GLCCI1: variants seen among roughly 807,000 people sequenced by gnomAD.
GLCCI1 encodes the protein glucocorticoid-induced transcript 1 protein.
Under a neutral mutation model 52.2 loss-of-function variants are expected in GLCCI1, and 24 were observed. That is an observed-to-expected ratio of 0.46 (90% confidence interval 0.33 to 0.65). GLCCI1 has a LOEUF of 0.65. Among genes scored for constraint, GLCCI1 ranks in the 30% least tolerant of loss-of-function variants. The probability of loss-of-function intolerance (pLI) is 0.02; values close to 1 mark genes in which losing one functional copy is unlikely to be tolerated. For missense variants in GLCCI1, 704 were observed against 701.5 expected (o/e 1.00, Z -0.04); for synonymous variants, 310 against 276.5 (o/e 1.12, Z -1.20).
chr7:8,022,357 G>A (rs576307186), intron 2 of GLCCI1, 126 bp from the exon 3 acceptor site: 15 of 379,914 alleles, frequency 3.9e-5, no homozygotes, highest in African/African-American at 6.5e-5. Flanking sequence ...AACTCTTAGC[G>A]TTTAAAGGAT....
intron 7 of GLCCI1, among the ~76,000 whole-genome samples, chr7:8,085,228 C>T (rs138587577): frequency 3.3e-5 from 5 of 152,258 alleles, no homozygotes; most frequent in Middle Eastern, 3.4e-3. Context: ...TACAAAGACA[C>T]GTGGAAACTT....
chr7:7,993,484 T>C (rs1165162547), intron 1 of GLCCI1, among the ~76,000 whole-genome samples: 2 of 152,216 alleles, frequency 1.3e-5, no homozygotes, highest in African/African-American at 2.4e-5. Context: ...TCTCAGACTT[T>C]ATTGAGTTGA....
intron 1 of GLCCI1, among the ~76,000 whole-genome samples, chr7:7,999,951 A>G (rs919238378): frequency 6.6e-6 from 1 of 152,194 alleles, no homozygotes; most frequent in Admixed American, 6.5e-5. Flanking sequence ...AACCATTAAA[A>G]TGGTTCCTAT....
intron 1 of GLCCI1, among the ~76,000 whole-genome samples, chr7:7,970,945 A>G (rs74559921): frequency 1.6e-5 from 2 of 127,980 alleles, no homozygotes; most frequent in African/African-American, 2.9e-5. Flanking sequence ...TTTTTTTTTT[A>G]ATGGAGCTTT....
intron 2 of GLCCI1, 34 bp downstream of exon 2, chr7:8,004,093 C>T: frequency 6.3e-7 from 1 of 1,575,970 alleles, no homozygotes; most frequent in East Asian, 2.2e-5. Flanking sequence ...GCTTATTACC[C>T]TGCACTTCTT....
chr7:7,984,520 A>G (rs1780683047), intron 1 of GLCCI1, among the ~76,000 whole-genome samples: 2 of 152,218 alleles, frequency 1.3e-5, no homozygotes, highest in Admixed American at 6.5e-5. Context: ...CTTCATCGTA[A>G]TGTAAAAACT....
rs1022050297 is a variant in GLCCI1 at position 8,022,552 on chromosome 7, G to A, written c.679G>A (p.Ala227Thr). ...TCAGCGTTCTGCGTCATGGGGGAGTGCTGATCAACTAAAAGAGGTAAGTTA... is the reference window on the plus strand; with the variant it reads ...TCAGCGTTCTGCGTCATGGGGGAGTACTGATCAACTAAAAGAGGTAAGTTA... Reference protein sequence around the residue: ...SHQRSASWGSADQLKEQIAKL... With the variant: ...SHQRSASWGSTDQLKEQIAKL... The change falls in exon 3 of 8, where the codon GCT (alanine) becomes ACT (threonine). Residue 227 changes from alanine (A) to threonine (T), a missense_variant. Ala to Thr is a moderately conservative substitution (Grantham distance 58). Transcript: ENST00000223145. 1 of 1,572,112 alleles carries A rather than the reference G, an allele frequency of 6.4e-7. No individual in the cohort carries two copies. The highest frequency in any genetic ancestry group is 8.6e-7 in the Non-Finnish European group (1 of 1,157,426).
chr7:8,026,892 C>T (rs1414699001), intron 3 of GLCCI1, among the ~76,000 whole-genome samples: 1 of 152,212 alleles, frequency 6.6e-6, no homozygotes, highest in Non-Finnish European at 1.5e-5. Flanking sequence ...CAAGAGAATT[C>T]TCCCAGATCT....
intron 4 of GLCCI1, among the ~76,000 whole-genome samples, chr7:8,056,019 C>A (rs935541958): frequency 6.8e-6 from 1 of 147,764 alleles, no homozygotes; most frequent in Non-Finnish European, 1.5e-5. Context: ...AAAAACCAGC[C>A]AGGGGCAGTG....
intron 5 of GLCCI1, among the ~76,000 whole-genome samples, chr7:8,064,842 G>A (rs1265117457): frequency 1.3e-5 from 2 of 152,046 alleles, no homozygotes; most frequent in Admixed American, 1.3e-4. Context: ...CGAGCAGCTG[G>A]CACTACAAGC....
intron 2 of GLCCI1, among the ~76,000 whole-genome samples, chr7:8,018,056 ATAAT>A (rs1158278014): frequency 6.6e-6 from 1 of 152,164 alleles, no homozygotes; most frequent in African/African-American, 2.4e-5. Context: ...GTCTGTGGTC[ATAAT>A]TAATTCTTAA....
At chr7:8,059,610 C>G (rs1782471295) in intron 4 of GLCCI1, among the ~76,000 whole-genome samples, 1 of 152,164 alleles carries the variant, frequency 6.6e-6, no homozygotes, top group Admixed American at 6.5e-5. Flanking sequence ...TGCCACATTA[C>G]TTAATAATCC....
At chr7:7,990,437 G>C (rs544950820) in intron 1 of GLCCI1, among the ~76,000 whole-genome samples, 1 of 152,008 alleles carries the variant, frequency 6.6e-6, no homozygotes, top group African/African-American at 2.4e-5. Context: ...AGAAAATAAA[G>C]CATAATGCTA....
intron 6 of GLCCI1, among the ~76,000 whole-genome samples, chr7:8,083,416 T>C (rs1335705108): frequency 1.3e-5 from 2 of 152,172 alleles, no homozygotes; most frequent in South Asian, 2.1e-4. Context: ...ACCAGTCTTG[T>C]CTAGCCTAGC....
intron 1 of GLCCI1, among the ~76,000 whole-genome samples, chr7:8,003,316 G>A (rs16872351): frequency 0.041 from 6,228 of 152,220 alleles, 252 homozygotes; most frequent in East Asian, 0.19. Context: ...AAGAAAGAGA[G>A]TTCTAGGCTC....
chr7:8,080,986 C>A (rs1434200540), intron 6 of GLCCI1, among the ~76,000 whole-genome samples: 1 of 151,606 alleles, frequency 6.6e-6, no homozygotes, highest in Non-Finnish European at 1.5e-5. Flanking sequence ...TTATCCTAAT[C>A]CTTTTACATA....
At chr7:8,060,517 G>T (rs567428073) in intron 5 of GLCCI1, among the ~76,000 whole-genome samples, 4 of 152,102 alleles carry the variant, frequency 2.6e-5, no homozygotes. Context: ...GGCCCTAGGC[G>T]GTCACTAATC....
chr7:8,084,415 C>T (rs111777176), intron 6 of GLCCI1, among the ~76,000 whole-genome samples: 58 of 152,118 alleles, frequency 3.8e-4, no homozygotes, highest in African/African-American at 9.6e-4. Flanking sequence ...TTTTCCCCTG[C>T]GTACGTGTTA....
chr7:8,031,412 G>A (rs1301481663), intron 3 of GLCCI1, among the ~76,000 whole-genome samples: 1 of 152,082 alleles, frequency 6.6e-6, no homozygotes, highest in Non-Finnish European at 1.5e-5. Context: ...TGTTGGGTGG[G>A]GAGCCATGGG....
Sources: gnomAD v4.1 joint callset for allele counts (sites outside exome capture counted in the v4.1 genomes callset) on GRCh38, gnomAD v4.1.1 for gene constraint, MANE v1.5 for transcripts, NCBI Gene and HGNC (gene_info 2026-07-23, HGNC 2026-07-21) for gene names.